Variants in NRXN3 observed in about 807,000 individuals in gnomAD.
NRXN3 encodes the protein neurexin III.
NRXN3 carries 32 observed loss-of-function variants against 137.6 expected under a neutral mutation model. The ratio of observed to expected loss-of-function variants is 0.23; its 90% CI spans 0.18 to 0.31. The LOEUF is 0.31. NRXN3 is among the 10% of genes least tolerant of loss of function. NRXN3 has a pLI of 1.00. For missense variants in NRXN3, 1,574 were observed against 2,062.5 expected (o/e 0.76, Z 4.59); for synonymous variants, 798 against 784.5 (o/e 1.02, Z -0.29).
At chr14:78,779,507 A>G (rs562100438) in intron 8 of NRXN3, among the ~76,000 whole-genome samples, 5 of 152,250 alleles carry the variant, frequency 3.3e-5, no homozygotes, top group East Asian at 3.9e-4. Context: ...CAAAACAAAA[A>G]ACAAAAAAAC....
chr14:79,502,515 A>AC (rs71103809), intron 16 of NRXN3, among the ~76,000 whole-genome samples: 1 of 147,444 alleles, frequency 6.8e-6, no homozygotes, highest in Non-Finnish European at 1.5e-5. Context: ...CTCTCGCCAC[A>AC]CCCCCCACCC....
intron 10 of NRXN3, among the ~76,000 whole-genome samples, chr14:78,953,577 A>G (rs1218935652): frequency 6.6e-6 from 1 of 152,222 alleles, no homozygotes; most frequent in Non-Finnish European, 1.5e-5. Context: ...CTACAATAGT[A>G]AACAATTAAA....
chr14:79,597,784 A>G (rs1021700875), intron 16 of NRXN3, among the ~76,000 whole-genome samples: 4 of 152,150 alleles, frequency 2.6e-5, no homozygotes, highest in African/African-American at 9.7e-5. Context: ...TCATAGCCTG[A>G]GTCAGTCTCT....
At chr14:79,035,529 C>T (rs967351782) in intron 15 of NRXN3, among the ~76,000 whole-genome samples, 1 of 152,068 alleles carries the variant, frequency 6.6e-6, no homozygotes, top group Non-Finnish European at 1.5e-5. Context: ...GTAAAATATG[C>T]TATATACTTA....
At chr14:78,991,609 G>A (rs899579566) in intron 15 of NRXN3, among the ~76,000 whole-genome samples, 4 of 152,070 alleles carry the variant, frequency 2.6e-5, no homozygotes, top group Admixed American at 2.6e-4. Context: ...TACTCAACAG[G>A]GAAATAGCTA....
At chr14:79,366,020 C>G (rs1653438846) in intron 15 of NRXN3, among the ~76,000 whole-genome samples, 1 of 151,952 alleles carries the variant, frequency 6.6e-6, no homozygotes, top group Non-Finnish European at 1.5e-5. Flanking sequence ...CAAGATGAAC[C>G]ATGCAAGCAC....
chr14:78,979,973 G>T (rs2099485243), intron 14 of NRXN3, among the ~76,000 whole-genome samples: 1 of 152,164 alleles, frequency 6.6e-6, no homozygotes, highest in East Asian at 1.9e-4. Flanking sequence ...ATGAGATTTG[G>T]GTGGGGACAC....
intron 17 of NRXN3, among the ~76,000 whole-genome samples, chr14:79,686,789 A>G (rs565766653): frequency 2.6e-4 from 40 of 152,266 alleles, no homozygotes; most frequent in African/African-American, 9.6e-4. Context: ...TGGTAAACCC[A>G]TACTACAACT....
intron 8 of NRXN3, among the ~76,000 whole-genome samples, chr14:78,735,883 G>A (rs1301987917): frequency 3.9e-5 from 6 of 152,168 alleles, no homozygotes; most frequent in Non-Finnish European, 7.3e-5. Flanking sequence ...ACAGTCTAGA[G>A]AGGGAAATGT....
Position 78,242,824 on chromosome 14 carries a change from C to G in NRXN3, c.-270C>G, listed in dbSNP as rs2067222766. On this transcript the variant is annotated 5_prime_UTR_variant, in exon 2 of 21. Transcript: ENST00000335750. ...CTCTTTACTCCAGTCCCTCACTTCC[C>G]CACCTGATTTTCCTCCTCTTCTGCT... The G allele has an allele frequency of 4.4e-6, 2 of 457,752 alleles. No individual in the cohort carries two copies. Among genetic ancestry groups the G allele is most frequent in the Non-Finnish European group, 7.6e-6 (2 of 261,528 alleles). The allele number at this position is 457,752 out of a possible 1,614,324, so 28.4% of individuals were successfully genotyped here. A position where few individuals can be genotyped will look rare whatever the true frequency, so the allele number is the denominator to read the frequency against.
intron 4 of NRXN3, among the ~76,000 whole-genome samples, chr14:78,499,388 C>G (rs1122841): frequency 0.42 from 63,504 of 152,000 alleles, 13,466 homozygotes; most frequent in East Asian, 0.51. Flanking sequence ...GTGCAAAGAA[C>G]AATCTTAATT....
intron 4 of NRXN3, among the ~76,000 whole-genome samples, chr14:78,453,029 C>A (rs940265968): frequency 6.6e-6 from 1 of 152,088 alleles, no homozygotes; most frequent in Non-Finnish European, 1.5e-5. Flanking sequence ...CCTAAAGTGA[C>A]CCAGAACAAG....
chr14:78,293,492 C>T (rs1417752636), intron 3 of NRXN3, among the ~76,000 whole-genome samples: 2 of 152,102 alleles, frequency 1.3e-5, no homozygotes, highest in African/African-American at 2.4e-5. Context: ...GTTACTGTTT[C>T]CCCCAGTCTC....
intron 19 of NRXN3, among the ~76,000 whole-genome samples, chr14:79,793,759 G>A (rs1281507657): frequency 6.6e-6 from 1 of 152,224 alleles, no homozygotes. Context: ...AAATAAAAAT[G>A]TAAATTAGCA....
At chr14:78,496,033 A>G (rs1426906266) in intron 4 of NRXN3, among the ~76,000 whole-genome samples, 1 of 152,216 alleles carries the variant, frequency 6.6e-6, no homozygotes, top group East Asian at 1.9e-4. Flanking sequence ...TGAAGCCTTG[A>G]GCCCTGACAA....
intron 4 of NRXN3, among the ~76,000 whole-genome samples, chr14:78,557,895 C>G (rs184463717): frequency 6.6e-6 from 1 of 152,318 alleles, no homozygotes; most frequent in East Asian, 1.9e-4. Context: ...TTATATAACT[C>G]TTGTTTACTG....
At chr14:78,286,389 G>A (rs559034160) in intron 3 of NRXN3, among the ~76,000 whole-genome samples, 1 of 152,016 alleles carries the variant, frequency 6.6e-6, no homozygotes, top group Non-Finnish European at 1.5e-5. Context: ...TGTCCAGGAG[G>A]GGGAAATGAG....
At chr14:79,126,083 G>A (rs1412226896) in intron 15 of NRXN3, among the ~76,000 whole-genome samples, 2 of 151,984 alleles carry the variant, frequency 1.3e-5, no homozygotes, top group African/African-American at 4.8e-5. Flanking sequence ...TGGTTAGGGT[G>A]ACTGAAAAAC....
At chr14:79,756,599 A>T (rs911211616) in intron 19 of NRXN3, among the ~76,000 whole-genome samples, 6 of 152,202 alleles carry the variant, frequency 3.9e-5, no homozygotes, top group African/African-American at 1.4e-4. Context: ...TCTGCCCCAA[A>T]GTGCTGTTTT....
Sources: gnomAD v4.1 joint callset for allele counts (sites outside exome capture counted in the v4.1 genomes callset) on GRCh38, gnomAD v4.1.1 for gene constraint, MANE v1.5 for transcripts, NCBI Gene and HGNC (gene_info 2026-07-23, HGNC 2026-07-21) for gene names.